The following TRPC5 variants were observed in gnomAD, a reference collection of about 807,000 sequenced individuals.
TRPC5 encodes the protein short transient receptor potential channel 5.
A neutral mutation model predicts 56.5 loss-of-function variants in TRPC5; 9 were observed. The observed-to-expected ratio is 0.16, with a 90% CI of 0.10 to 0.28. TRPC5 has a LOEUF of 0.28. Among genes scored for constraint, TRPC5 ranks in the 10% least tolerant of loss-of-function variants. TRPC5 has a pLI of 1.00. For synonymous variants in TRPC5, 282 were observed against 278.5 expected, an observed-to-expected ratio of 1.01 and a Z score of -0.13; for missense variants, 469 against 748.9, an observed-to-expected ratio of 0.63 and a Z score of 4.36.
At chrX:112,064,100 C>T (rs930436621) in intron 1 of TRPC5, among the ~76,000 whole-genome samples, 3 of 111,965 alleles carry the variant, frequency 2.7e-5, no homozygotes, top group Non-Finnish European at 5.6e-5. Context: ...TAAACGAAGG[C>T]CAAGTAAAAT....
At chrX:111,859,506 A>G (rs1923332160) in intron 3 of TRPC5, among the ~76,000 whole-genome samples, 1 of 112,396 alleles carries the variant, frequency 8.9e-6, no homozygotes, top group South Asian at 3.7e-4. Flanking sequence ...GAACTCTGTT[A>G]TATAGAAGGA....
intron 6 of TRPC5, among the ~76,000 whole-genome samples, chrX:111,841,356 A>G (rs762444909): frequency 6.2e-5 from 7 of 112,160 alleles, no homozygotes; most frequent in East Asian, 5.6e-4. Flanking sequence ...TCCCTAGGTA[A>G]AAGTACAGAC....
At chrX:111,944,303 T>TGAAAGAGAGA (rs1556592296) in intron 2 of TRPC5, among the ~76,000 whole-genome samples, 114 of 61,367 alleles carry the variant, frequency 1.9e-3, no homozygotes, top group Non-Finnish European at 2.7e-3. Flanking sequence ...TGTGTGTGTG[T>TGAAAGAGAGA]GAGAGAGAGA....
intron 4 of TRPC5, 148 bp from the exon 5 acceptor site, chrX:111,852,585 G>T: frequency 1.6e-6 from 1 of 630,527 alleles, no homozygotes; most frequent in Non-Finnish European, 2.3e-6. Context: ...ATAATCACTT[G>T]CTTTCCTACT....
At chrX:111,843,583 T>C (rs1481487463) in intron 6 of TRPC5, among the ~76,000 whole-genome samples, 1 of 110,787 alleles carries the variant, frequency 9.0e-6, no homozygotes, top group East Asian at 2.8e-4. Flanking sequence ...AACAGCAAAA[T>C]GTTGACAAAG....
intron 1 of TRPC5, among the ~76,000 whole-genome samples, chrX:111,964,236 G>A (rs187144306): frequency 3.6e-5 from 4 of 111,739 alleles, no homozygotes; most frequent in East Asian, 2.8e-4. Flanking sequence ...GATGGAAGAC[G>A]AAATGAATGA....
chrX:111,773,427 A>T lies in TRPC5; in HGVS notation c.*2886T>A, dbSNP rs760060990. Among the ~76,000 whole-genome samples, 11 of 111,954 alleles carry T rather than the reference A, an allele frequency of 9.8e-5. No individual in the cohort carries two copies. The highest frequency in any genetic ancestry group is 7.6e-4 in the Admixed American group (8 of 10,518). On this transcript the variant is annotated 3_prime_UTR_variant, in exon 11 of 11. Transcript: ENST00000262839. ...AACTGTAATGTAGGTGGAACATGAT[A>T]TGGATATTTTAGATAAGTAGTAAAT...
intron 3 of TRPC5, among the ~76,000 whole-genome samples, chrX:111,898,762 G>A (rs890658044): frequency 9.1e-5 from 10 of 110,452 alleles, no homozygotes; most frequent in South Asian, 3.9e-4. Flanking sequence ...TGAAATTTGT[G>A]TGTAATGGGA....
At chrX:111,819,522 T>C in intron 7 of TRPC5, among the ~76,000 whole-genome samples, 1 of 111,451 alleles carries the variant, frequency 9.0e-6, no homozygotes, top group East Asian at 2.8e-4. Context: ...TGGTGGTTTT[T>C]GCTGAGCTTA....
At chrX:111,944,305 A>T (rs12862936) in intron 2 of TRPC5, among the ~76,000 whole-genome samples, 1,856 of 24,752 alleles carry the variant, frequency 0.075, 19 homozygotes, top group East Asian at 0.31. Context: ...TGTGTGTGTG[A>T]GAGAGAGAGA....
chrX:111,880,841 C>G (rs1603072136), intron 3 of TRPC5, among the ~76,000 whole-genome samples: 1 of 112,302 alleles, frequency 8.9e-6, no homozygotes, highest in East Asian at 2.8e-4. Flanking sequence ...ATTTATCATC[C>G]TGTTGTTGGG....
intron 3 of TRPC5, among the ~76,000 whole-genome samples, chrX:111,896,760 G>T (rs1048821468): frequency 1.8e-5 from 2 of 111,759 alleles, no homozygotes; most frequent in African/African-American, 6.5e-5. Flanking sequence ...CTAAATTTGT[G>T]CCCTCTAGCA....
At chrX:112,025,240 T>G (rs1929384335) in intron 1 of TRPC5, among the ~76,000 whole-genome samples, 1 of 112,122 alleles carries the variant, frequency 8.9e-6, no homozygotes. Flanking sequence ...TAATGGTATT[T>G]CAGTATATGG....
At chrX:112,062,826 T>G (rs1028603723) in intron 1 of TRPC5, among the ~76,000 whole-genome samples, 2 of 111,597 alleles carry the variant, frequency 1.8e-5, no homozygotes, top group Admixed American at 1.9e-4. Context: ...CAAGGGAGGA[T>G]GAATCTAGTG....
At chrX:111,872,354 T>G (rs1327078078) in intron 3 of TRPC5, among the ~76,000 whole-genome samples, 2 of 111,574 alleles carry the variant, frequency 1.8e-5, no homozygotes, top group Non-Finnish European at 3.8e-5. Flanking sequence ...TAGTAGGCGG[T>G]AGGGATGGTG....
chrX:111,886,219 G>T (rs1176650554), intron 3 of TRPC5, among the ~76,000 whole-genome samples: 3 of 112,380 alleles, frequency 2.7e-5, no homozygotes, highest in African/African-American at 9.7e-5. Flanking sequence ...GGTGGAGGTT[G>T]CAGTGAGCCA....
At chrX:112,038,156 T>G (rs1050361560) in intron 1 of TRPC5, among the ~76,000 whole-genome samples, 2 of 111,959 alleles carry the variant, frequency 1.8e-5, no homozygotes, top group African/African-American at 6.5e-5. Flanking sequence ...AATTGAAATT[T>G]CAGCAAGAGA....
intron 1 of TRPC5, among the ~76,000 whole-genome samples, chrX:112,060,812 T>C (rs1443738608): frequency 8.9e-6 from 1 of 112,603 alleles, no homozygotes; most frequent in Admixed American, 9.4e-5. Flanking sequence ...TGGAAAGGCT[T>C]CCCCCAAAAG....
intron 6 of TRPC5, among the ~76,000 whole-genome samples, chrX:111,835,848 G>A (rs755358130): frequency 2.2e-4 from 25 of 111,784 alleles, no homozygotes; most frequent in African/African-American, 8.1e-4. Flanking sequence ...AGGAGCTTGA[G>A]GATTCTCAAA....
Sources: gnomAD v4.1 joint callset for allele counts (sites outside exome capture counted in the v4.1 genomes callset) on GRCh38, gnomAD v4.1.1 for gene constraint, MANE v1.5 for transcripts, NCBI Gene and HGNC (gene_info 2026-07-23, HGNC 2026-07-21) for gene names.